Variants in MCOLN2 observed in about 807,000 individuals in gnomAD.
The protein encoded by MCOLN2 is mucolipin-2.
A neutral mutation model predicts 67.5 loss-of-function variants in MCOLN2; 57 were observed. The ratio of observed to expected loss-of-function variants is 0.84; its 90% CI spans 0.68 to 1.05. The LOEUF is 1.05. Among genes scored for constraint, MCOLN2 ranks in the 50% least tolerant of loss-of-function variants. The probability of loss-of-function intolerance (pLI) is 0.00; values close to 1 mark genes in which losing one functional copy is unlikely to be tolerated. For synonymous variants in MCOLN2, 246 were observed against 233.3 expected (o/e 1.05, Z -0.50); for missense variants, 620 against 678.8 (o/e 0.91, Z 0.96).
chr1:84,991,310 G>A (rs925121034), intron 1 of MCOLN2, among the ~76,000 whole-genome samples: 2 of 152,050 alleles, frequency 1.3e-5, no homozygotes, highest in African/African-American at 4.8e-5. Context: ...ATAATACCAG[G>A]GGCAGTTCAA....
rs374769030 is a variant in MCOLN2 at position 84,947,147 on chromosome 1, G to C, written c.748-15C>G. On this transcript the variant is annotated splice_polypyrimidine_tract_variant and intron_variant, in intron 6 of 13. Transcript: ENST00000370608. ...TCAAAGATAATCTGGAGACACAAAT[G>C]TATAGCGAGATTACAACACAGAAGA... 7.9e-7 allele frequency: 1 copy of C among 1,268,926 alleles called. No individual in the cohort carries two copies. The highest frequency in any genetic ancestry group is 1.2e-5 in the South Asian group (1 of 83,356). 78.6% of individuals were successfully genotyped at this position (1,268,926 alleles called of 1,614,324 possible).
At position 84,997,099 on chromosome 1, in the gene MCOLN2, A is replaced by G. The variant is rs924647379; in HGVS notation, c.-227T>C. 4 of 564,558 alleles carry G rather than the reference A, an allele frequency of 7.1e-6. No individual in the cohort carries two copies. The allele number at this position is 564,558 out of a possible 1,614,324, so 35.0% of individuals were successfully genotyped here. A position where few individuals can be genotyped will look rare whatever the true frequency, so the allele number is the denominator to read the frequency against. ...CGGCGGGCAGTTCTCGGGCGGCTGA[A>G]AGGCGGCTCTGTGTGCACCCTGCAG... On this transcript the variant is annotated 5_prime_UTR_variant, in exon 1 of 14. Transcript: ENST00000370608.
intron 2 of MCOLN2, among the ~76,000 whole-genome samples, chr1:84,962,932 T>C (rs1478468066): frequency 6.6e-6 from 1 of 152,190 alleles, no homozygotes; most frequent in Non-Finnish European, 1.5e-5. Flanking sequence ...GATATTAGCA[T>C]CGAATGTATA....
chr1:84,986,543 C>CAAAA (rs570093444), intron 1 of MCOLN2, among the ~76,000 whole-genome samples: 4 of 49,430 alleles, frequency 8.1e-5, no homozygotes, highest in Non-Finnish European at 8.0e-5. Flanking sequence ...AACTCCATCT[C>CAAAA]AAAAAAAAAA....
chr1:84,958,395 T>C, intron 3 of MCOLN2, 134 bp downstream of exon 3: 1 of 617,668 alleles, frequency 1.6e-6, no homozygotes. Context: ...GAAATAGCAA[T>C]AAACATTTTT....
At chr1:84,995,806 T>TA (rs760666732) in intron 1 of MCOLN2, among the ~76,000 whole-genome samples, 72 of 150,462 alleles carry the variant, frequency 4.8e-4, no homozygotes, top group Middle Eastern at 3.5e-3. Context: ...TCTATTTTTT[T>TA]AAAAAAAAAC....
In MCOLN2 at chr1:84,939,849, G is replaced by A. The variant is rs1469352287; in HGVS notation, c.961-147C>T. 58 of 726,254 alleles carry A rather than the reference G, an allele frequency of 8.0e-5. 1 individual carries two copies. The highest frequency in any genetic ancestry group is 2.7e-4 in the South Asian group (16 of 58,304). 45.0% of individuals were successfully genotyped at this position (726,254 alleles called of 1,614,324 possible). On this transcript the variant is annotated intron_variant, in intron 8 of 13. Coordinates refer to ENST00000370608, the MANE Select transcript of MCOLN2 (RefSeq NM_153259.4). Reference sequence around the variant, plus strand: ...GATCCACCTCGAAAGTGGAGGTTACGGCACACACTTTCCCCTATAATCTGA... The same window carrying A: ...GATCCACCTCGAAAGTGGAGGTTACAGCACACACTTTCCCCTATAATCTGA...
At chr1:84,965,441 A>T in intron 2 of MCOLN2, 108 bp downstream of exon 2, 1 of 1,214,166 alleles carries the variant, frequency 8.2e-7, no homozygotes, top group Non-Finnish European at 1.1e-6. Flanking sequence ...TTTTAGTTTT[A>T]TGAACTTGAG....
chr1:84,950,782 C>T (rs1273743517), intron 6 of MCOLN2, among the ~76,000 whole-genome samples: 3 of 152,092 alleles, frequency 2.0e-5, no homozygotes, highest in Non-Finnish European at 2.9e-5. Flanking sequence ...ACACTCAAAC[C>T]AAAGGTTTGA....
In MCOLN2 at chr1:84,952,303, G is replaced by A; in HGVS notation, c.687C>T (p.Gly229=). The A allele has an allele frequency of 1.2e-6, 2 of 1,613,562 alleles. No individual in the cohort carries two copies. The highest frequency in any genetic ancestry group is 1.7e-6 in the Non-Finnish European group (2 of 1,179,608). The stretch of plus-strand genomic sequence containing the variant: ...GGGAATGAATTGTCTGTAGGTCAAT[G>A]CCTTTAAGATGAAAGGAGATTTCAA... ...LQVEISFHLK[G]IDLQTIHSRE... The change falls in exon 6 of 14, where the codon GGC becomes GGT. Residue 229 remains glycine, a synonymous_variant. Transcript: ENST00000370608.
chr1:84,960,110 A>G (rs959733927), intron 2 of MCOLN2, among the ~76,000 whole-genome samples: 4 of 152,224 alleles, frequency 2.6e-5, no homozygotes, highest in Admixed American at 2.6e-4. Context: ...TTCATGGTTT[A>G]CATTTTTTAG....
At chr1:84,977,492 A>C (rs947512958) in intron 1 of MCOLN2, among the ~76,000 whole-genome samples, 13 of 152,102 alleles carry the variant, frequency 8.5e-5, no homozygotes, top group African/African-American at 3.1e-4. Context: ...GCCTACAAAA[A>C]ATACACTTCA....
At chr1:84,963,190 T>C (rs1453756921) in intron 2 of MCOLN2, among the ~76,000 whole-genome samples, 2 of 152,158 alleles carry the variant, frequency 1.3e-5, no homozygotes, top group Non-Finnish European at 2.9e-5. Context: ...GGGATTATAA[T>C]TGAACCTACC....
Position 84,939,672 on chromosome 1 carries a change from TG to T in MCOLN2, c.990del (p.Tyr330Ter), listed in dbSNP as rs1391366816. 1 of 1,614,042 alleles carries T rather than the reference TG, an allele frequency of 6.2e-7. No individual in the cohort carries two copies. The highest frequency in any genetic ancestry group is 1.7e-5 in the Admixed American group (1 of 59,978). ...TGGTCGGTGTCACACACAGGCCGCT[TG>T]TACTTCTCCAGGAAGAAATTTAGAA... ...KRFLNFFLEK[Y>X]KRPVCDTDQW... On this transcript the variant is annotated frameshift_variant, in exon 9 of 14. Coordinates refer to ENST00000370608, the MANE Select transcript of MCOLN2 (RefSeq NM_153259.4). LOFTEE classifies it high-confidence loss of function.
chr1:84,976,020 G>A (rs1335697421), intron 1 of MCOLN2, among the ~76,000 whole-genome samples: 2 of 152,096 alleles, frequency 1.3e-5, no homozygotes, highest in East Asian at 1.9e-4. Flanking sequence ...AAACAATGAA[G>A]CATGCCTACA....
At chr1:84,986,907 G>A (rs997249190) in intron 1 of MCOLN2, among the ~76,000 whole-genome samples, 1 of 151,976 alleles carries the variant, frequency 6.6e-6, no homozygotes, top group African/African-American at 2.4e-5. Flanking sequence ...GGGTGAAAAG[G>A]CAACACTTTT....
intron 11 of MCOLN2, 199 bp downstream of exon 11, chr1:84,937,556 C>T: frequency 7.5e-7 from 1 of 1,336,500 alleles, no homozygotes. Context: ...TAGTATTGTA[C>T]AGTTCTTGTT....
At chr1:84,981,584 T>G (rs1001436407) in intron 1 of MCOLN2, among the ~76,000 whole-genome samples, 73 of 152,320 alleles carry the variant, frequency 4.8e-4, no homozygotes, top group African/African-American at 1.7e-3. Flanking sequence ...TTCTCACTTA[T>G]TTGTGTGATC....
rs1651191072 is a variant in MCOLN2, at chr1:84,996,976, G to A, written c.-104C>T. ...CGCCGTAACGCGTCCGCCGAAGTTG[G>A]AGCCCTGCAAAGCGGGGTTCCCTTC... On this transcript the variant is annotated 5_prime_UTR_variant, in exon 1 of 14. Coordinates refer to ENST00000370608, the MANE Select transcript of MCOLN2 (RefSeq NM_153259.4). 1 of 1,032,510 alleles carries A rather than the reference G, an allele frequency of 9.7e-7. No individual in the cohort carries two copies. Among genetic ancestry groups the A allele is most frequent in the Non-Finnish European group, 1.5e-6 (1 of 674,356 alleles). 64.0% of individuals were successfully genotyped at this position (1,032,510 alleles called of 1,614,324 possible). A position where few individuals can be genotyped will look rare whatever the true frequency, so the allele number is the denominator to read the frequency against.
Sources: allele counts gnomAD v4.1 joint callset (sites outside exome capture counted in the v4.1 genomes callset), GRCh38; gene constraint gnomAD v4.1.1; transcripts MANE v1.5; gene names NCBI Gene and HGNC (gene_info 2026-07-23, HGNC 2026-07-21).